MRTFA: variants seen among roughly 807,000 people sequenced by gnomAD.
MRTFA encodes the protein myocardin-related transcription factor A.
Under a neutral mutation model 83.5 loss-of-function variants are expected in MRTFA, and 20 were observed. The ratio of observed to expected loss-of-function variants is 0.24; its 90% CI spans 0.17 to 0.35. MRTFA has a LOEUF of 0.35. Among genes scored for constraint, MRTFA ranks in the 10% least tolerant of loss-of-function variants. MRTFA has a pLI of 1.00. For missense variants in MRTFA, 1,200 were observed against 1,224.7 expected (o/e 0.98, Z 0.30); for synonymous variants, 659 against 541.2 (o/e 1.22, Z -3.02).
intron 2 of MRTFA, among the ~76,000 whole-genome samples, chr22:40,573,429 A>G (rs1225088892): frequency 6.6e-6 from 1 of 151,944 alleles, no homozygotes; most frequent in Admixed American, 6.6e-5. Flanking sequence ...TAATTTTTGT[A>G]TTTTTAGTAG....
At chr22:40,472,087 G>C (rs955935655) in intron 3 of MRTFA, among the ~76,000 whole-genome samples, 1 of 152,124 alleles carries the variant, frequency 6.6e-6, no homozygotes, top group Non-Finnish European at 1.5e-5. Context: ...AGCCAGGACT[G>C]GAACCAAATA....
At chr22:40,470,122 G>A (rs2053873643) in intron 3 of MRTFA, among the ~76,000 whole-genome samples, 1 of 149,908 alleles carries the variant, frequency 6.7e-6, no homozygotes, top group Admixed American at 6.7e-5. Context: ...TACTCAGGAG[G>A]CTGAGGTAGT....
chr22:40,541,978 A>G lies in MRTFA; in HGVS notation c.241+10128T>C, dbSNP rs554110772. ...ACTGCATCCAGCCTAGGTGATGGCT[A>G]TATTTTAAGCTCACTTTTTAAAGAT... is the stretch of plus-strand genomic sequence containing the variant. On this transcript the variant is annotated intron_variant, in intron 3 of 14. Transcript: ENST00000355630. Among the ~76,000 whole-genome samples, 34 of 151,320 alleles carry G rather than the reference A, an allele frequency of 2.2e-4. No homozygotes were observed. In the South Asian group the frequency reaches 6.3e-3, roughly 28 times the overall value.
At chr22:40,601,353 T>C (rs1276304797) in intron 1 of MRTFA, among the ~76,000 whole-genome samples, 7 of 152,136 alleles carry the variant, frequency 4.6e-5, no homozygotes, top group Admixed American at 2.6e-4. Flanking sequence ...GGAGCCAGAC[T>C]ACAGGCATGT....
intron 3 of MRTFA, among the ~76,000 whole-genome samples, chr22:40,491,210 T>A (rs1188505537): frequency 6.6e-6 from 1 of 152,056 alleles, no homozygotes; most frequent in African/African-American, 2.4e-5. Flanking sequence ...GGTGCAGTGG[T>A]GCACGCCTGT....
chr22:40,531,299 G>A (rs1215377219), intron 3 of MRTFA, among the ~76,000 whole-genome samples: 1 of 135,674 alleles, frequency 7.4e-6, no homozygotes, highest in Non-Finnish European at 1.5e-5. Flanking sequence ...TTTTTGTAGA[G>A]ATGGGTCTTG....
At position 40,595,116 on chromosome 22, in the gene MRTFA, CTTTTTTTTTT is replaced by C. The variant is rs778797295; in HGVS notation, c.-83-391_-83-382del. 5.7e-3 allele frequency among the ~76,000 whole-genome samples: 675 copies of C among 119,276 alleles called. 8 individuals carry two copies. Among genetic ancestry groups the C allele is most frequent in the African/African-American group, 0.02 (625 of 31,510 alleles). 78.2% of individuals were successfully genotyped at this position (119,276 alleles called of 152,430 possible). A position where few individuals can be genotyped will look rare whatever the true frequency, so the allele number is the denominator to read the frequency against. ...TGCTCTTATTGGTGTTGATAAATGC[CTTTTTTTTTT>C]TTTTTTTTTTTGGACAAGGAGTCTC... On this transcript the variant is annotated intron_variant, in intron 1 of 14. Transcript: ENST00000355630.
At chr22:40,458,436 C>A (rs1483881183) in intron 4 of MRTFA, among the ~76,000 whole-genome samples, 1 of 152,102 alleles carries the variant, frequency 6.6e-6, no homozygotes, top group African/African-American at 2.4e-5. Context: ...ATCCCTTCAA[C>A]TTTATGGAAA....
intron 2 of MRTFA, among the ~76,000 whole-genome samples, chr22:40,554,681 C>T (rs559761936): frequency 5.3e-5 from 8 of 152,188 alleles, no homozygotes; most frequent in Admixed American, 1.3e-4. Flanking sequence ...CTAATAGACA[C>T]GGACAAACTA....
rs572127856 is a variant in MRTFA at position 40,530,128 on chromosome 22, T to C, written c.241+21978A>G. Reference sequence around the variant, plus strand: ...GTTGTTATAACTAAGAGGACTGCACTAGATGGATACACCTTAGGGCCTGTC... The same window carrying C: ...GTTGTTATAACTAAGAGGACTGCACCAGATGGATACACCTTAGGGCCTGTC... On this transcript the variant is annotated intron_variant, in intron 3 of 14. Coordinates refer to ENST00000355630, the MANE Select transcript of MRTFA (RefSeq NM_020831.6). Among the ~76,000 whole-genome samples, 6 of 152,312 alleles carry C rather than the reference T, an allele frequency of 3.9e-5. No individual in the cohort carries two copies. In the South Asian group the frequency reaches 1.2e-3, roughly 32 times the overall value.
At chr22:40,497,451 G>A (rs1341404189) in intron 3 of MRTFA, among the ~76,000 whole-genome samples, 1 of 152,160 alleles carries the variant, frequency 6.6e-6, no homozygotes, top group Non-Finnish European at 1.5e-5. Flanking sequence ...GTGAGGAAGA[G>A]GAAAATAATC....
chr22:40,555,560 T>A (rs972487537), intron 2 of MRTFA, among the ~76,000 whole-genome samples: 2 of 151,602 alleles, frequency 1.3e-5, no homozygotes, highest in African/African-American at 4.8e-5. Context: ...CATGAACCAA[T>A]TAAACCTCAT....
intron 3 of MRTFA, among the ~76,000 whole-genome samples, chr22:40,525,533 A>C (rs2147266391): frequency 6.6e-6 from 1 of 152,290 alleles, no homozygotes; most frequent in Non-Finnish European, 1.5e-5. Context: ...AAAAAACCAA[A>C]ACTACAATGT....
chr22:40,581,904 T>C (rs1956113625), intron 2 of MRTFA, among the ~76,000 whole-genome samples: 1 of 152,204 alleles, frequency 6.6e-6, no homozygotes, highest in Non-Finnish European at 1.5e-5. Context: ...ACTTGTTAGA[T>C]AATAGCTTTA....
rs550130314 is a variant in MRTFA at position 40,462,504 on chromosome 22, G to C, written c.307+717C>G. Among the ~76,000 whole-genome samples, 15 of 152,258 alleles carry C rather than the reference G, an allele frequency of 9.9e-5. No homozygotes were observed. The South Asian group carries it at 2.3e-3, about 23-fold the overall frequency. On this transcript the variant is annotated intron_variant, in intron 4 of 14. Coordinates refer to ENST00000355630, the MANE Select transcript of MRTFA (RefSeq NM_020831.6). ...AGTGATAACATACAAACAGAAAAGA[G>C]AGCCTATGTTCTCTGCTGATGATTT...
intron 14 of MRTFA, chr22:40,412,737 A>ATAGTT (rs1160417146): frequency 6.6e-6 from 1 of 152,180 alleles, no homozygotes; most frequent in East Asian, 1.9e-4. Flanking sequence ...TTTAATGGGG[A>ATAGTT]TAGTTTCAGT....
chr22:40,536,032 A>G (rs991582864), intron 3 of MRTFA, among the ~76,000 whole-genome samples: 48 of 152,182 alleles, frequency 3.2e-4, no homozygotes, highest in Non-Finnish European at 1.0e-4. Flanking sequence ...AAAAAATTAA[A>G]CAAGAAGCAC....
intron 2 of MRTFA, among the ~76,000 whole-genome samples, chr22:40,566,854 A>C (rs1472653855): frequency 6.6e-6 from 1 of 152,140 alleles, no homozygotes; most frequent in East Asian, 1.9e-4. Flanking sequence ...AAAAATAAAT[A>C]AATAATCATT....
At chr22:40,473,242 C>T (rs1045461139) in intron 3 of MRTFA, among the ~76,000 whole-genome samples, 1 of 152,182 alleles carries the variant, frequency 6.6e-6, no homozygotes, top group Admixed American at 6.5e-5. Flanking sequence ...TCACCGCAGC[C>T]TTGACCCACC....
Sources: allele counts gnomAD v4.1 joint callset (sites outside exome capture counted in the v4.1 genomes callset), GRCh38; gene constraint gnomAD v4.1.1; transcripts MANE v1.5; gene names NCBI Gene and HGNC (gene_info 2026-07-23, HGNC 2026-07-21).